The following SLC44A1 variants were observed in gnomAD, a reference collection of about 807,000 sequenced individuals.
The protein encoded by SLC44A1 is choline transporter-like protein 1.
Under a neutral mutation model 79.3 loss-of-function variants are expected in SLC44A1, and 26 were observed. That is an observed-to-expected ratio of 0.33 (90% CI 0.24 to 0.46). The LOEUF (loss-of-function observed/expected upper bound fraction) is 0.46. Among genes scored for constraint, SLC44A1 ranks in the 20% least tolerant of loss-of-function variants. The pLI, the probability that SLC44A1 is intolerant of heterozygous loss-of-function variation, is 1.00. For missense variants in SLC44A1, 688 were observed against 798.1 expected (o/e 0.86, Z 1.66); for synonymous variants, 263 against 286.2 (o/e 0.92, Z 0.82).
At chr9:105,352,371 G>A (rs1781440997) in intron 5 of SLC44A1, among the ~76,000 whole-genome samples, 1 of 152,104 alleles carries the variant, frequency 6.6e-6, no homozygotes, top group Admixed American at 6.5e-5. Context: ...ATTAGGCACT[G>A]TTTGTCATCA....
intron 3 of SLC44A1, among the ~76,000 whole-genome samples, chr9:105,325,454 G>C (rs149789571): frequency 6.6e-6 from 1 of 152,304 alleles, no homozygotes; most frequent in African/African-American, 2.4e-5. Flanking sequence ...TAATTATGGA[G>C]GTTGAGAAGT....
At chr9:105,267,140 G>T (rs1305773819) in intron 1 of SLC44A1, among the ~76,000 whole-genome samples, 1 of 152,196 alleles carries the variant, frequency 6.6e-6, no homozygotes, top group Non-Finnish European at 1.5e-5. Context: ...ATATGTAATA[G>T]TTGAGTGGAT....
chr9:105,382,968 A>G (rs569746876), intron 13 of SLC44A1, among the ~76,000 whole-genome samples, 155 bp from the exon 14 acceptor site: 3 of 152,346 alleles, frequency 2.0e-5, no homozygotes, highest in East Asian at 3.9e-4. Context: ...CTGGGTGTAT[A>G]TGAGAATATG....
At position 105,386,380 on chromosome 9, in the gene SLC44A1, A is replaced by G; in HGVS notation, c.1950+878A>G. On this transcript the variant is annotated intron_variant, in intron 15 of 15. Transcript: ENST00000374720. The stretch of plus-strand genomic sequence containing the variant: ...TATATAATTGTCTGCATCCTTAAAT[A>G]ATTTTAAACAATGTGTCCCCTGACT... 4.1e-6 allele frequency: 4 copies of G among 969,124 alleles called. No individual in the cohort carries two copies. The African/African-American group carries it at 5.3e-5, about 13-fold the overall frequency. 60.0% of individuals were successfully genotyped at this position (969,124 alleles called of 1,614,324 possible).
In SLC44A1 at chr9:105,390,369, TGTAAA is replaced by T. The variant is rs908431924; in HGVS notation, c.*1319_*1323del. ...TTTTAAAAAAAGCTATTTTTGTTAATGTAAAGTAAATATTTCAGAGCAAATTTTTT... is the reference window on the plus strand; with the variant it reads ...TTTTAAAAAAAGCTATTTTTGTTAATGTAAATATTTCAGAGCAAATTTTTT... On this transcript the variant is annotated 3_prime_UTR_variant, in exon 16 of 16. Coordinates refer to ENST00000374720, the MANE Select transcript of SLC44A1 (RefSeq NM_080546.5). 2.5e-5 allele frequency: 24 copies of T among 969,766 alleles called. No homozygotes were observed. Among genetic ancestry groups the T allele is most frequent in the East Asian group, 2.3e-4 (2 of 8,522 alleles). 60.1% of individuals were successfully genotyped at this position (969,766 alleles called of 1,614,324 possible).
chr9:105,284,621 C>A (rs1328882806), intron 1 of SLC44A1, among the ~76,000 whole-genome samples: 1 of 151,956 alleles, frequency 6.6e-6, no homozygotes, highest in African/African-American at 2.4e-5. Context: ...TTCATTATTA[C>A]CCAAGTCTTT....
chr9:105,288,343 T>G (rs372712082), intron 1 of SLC44A1, among the ~76,000 whole-genome samples: 1 of 152,166 alleles, frequency 6.6e-6, no homozygotes, highest in Non-Finnish European at 1.5e-5. Flanking sequence ...TTAATGTTTT[T>G]TTTGTTTGTT....
At chr9:105,371,587 C>T (rs1024560746) in intron 12 of SLC44A1, among the ~76,000 whole-genome samples, 3 of 151,750 alleles carry the variant, frequency 2.0e-5, no homozygotes, top group Non-Finnish European at 2.9e-5. Flanking sequence ...AAAAATTAGC[C>T]GGGTGCCTGT....
At chr9:105,337,134 G>T (rs1235962420) in intron 4 of SLC44A1, among the ~76,000 whole-genome samples, 1 of 152,096 alleles carries the variant, frequency 6.6e-6, no homozygotes, top group Non-Finnish European at 1.5e-5. Context: ...AGGTTTCTTA[G>T]GGAGGGGTGA....
At chr9:105,412,010 C>T (rs1829101341) in intron 15 of SLC44A1, among the ~76,000 whole-genome samples, 1 of 152,144 alleles carries the variant, frequency 6.6e-6, no homozygotes, top group Non-Finnish European at 1.5e-5. Flanking sequence ...ATTATCTATT[C>T]ACATTCTTCT....
intron 1 of SLC44A1, among the ~76,000 whole-genome samples, chr9:105,278,045 G>A (rs1432386282): frequency 1.3e-5 from 2 of 151,784 alleles, no homozygotes; most frequent in Non-Finnish European, 2.9e-5. Flanking sequence ...TCAATACAGG[G>A]AGGAATGTAT....
At chr9:105,380,352 T>C (rs1223062451) in intron 13 of SLC44A1, among the ~76,000 whole-genome samples, 1 of 151,882 alleles carries the variant, frequency 6.6e-6, no homozygotes, top group African/African-American at 2.4e-5. Flanking sequence ...ACGTCTATTT[T>C]TTTTTCTTTT....
rs564253101 is a variant in SLC44A1 at position 105,380,920 on chromosome 9, G to A, written c.1633-2203G>A. ...TTTCTACAGTTTGAGAACCATTAAT[G>A]TATCTGTTTGAATAAGTGCATAACA... On this transcript the variant is annotated intron_variant, in intron 13 of 15. Coordinates refer to ENST00000374720, the MANE Select transcript of SLC44A1 (RefSeq NM_080546.5). Among the ~76,000 whole-genome samples the A allele has an allele frequency of 2.6e-5, 4 of 152,224 alleles. No homozygotes were observed. In the East Asian group the frequency reaches 5.8e-4, roughly 22 times the overall value.
chr9:105,279,055 G>A (rs374663769), intron 1 of SLC44A1, among the ~76,000 whole-genome samples: 1 of 151,740 alleles, frequency 6.6e-6, no homozygotes, highest in Non-Finnish European at 1.5e-5. Context: ...CCTTCAACCC[G>A]GGAACCAAAC....
intron 1 of SLC44A1, among the ~76,000 whole-genome samples, chr9:105,289,083 C>CT (rs1830542365): frequency 1.3e-5 from 2 of 152,210 alleles, no homozygotes; most frequent in African/African-American, 4.8e-5. Flanking sequence ...GCAATAGATA[C>CT]TTTTTGGGTA....
chr9:105,405,824 A>G (rs1431644490), intron 15 of SLC44A1, among the ~76,000 whole-genome samples: 1 of 152,178 alleles, frequency 6.6e-6, no homozygotes, highest in African/African-American at 2.4e-5. Context: ...ACCTGTGGTG[A>G]AGAATAACAG....
At chr9:105,338,348 A>G (rs559243566) in intron 4 of SLC44A1, among the ~76,000 whole-genome samples, 2 of 152,306 alleles carry the variant, frequency 1.3e-5, no homozygotes, top group South Asian at 2.1e-4. Context: ...TATCACTGAG[A>G]AAATTATTTC....
chr9:105,358,251 C>T, intron 6 of SLC44A1, 93 bp from the exon 7 acceptor site: 1 of 719,176 alleles, frequency 1.4e-6, no homozygotes, highest in South Asian at 1.8e-5. Flanking sequence ...CAGATTATTT[C>T]CCTGGGGAAA....
At chr9:105,304,974 TTTTTTTTTTTTTC>T (rs1830986635) in intron 2 of SLC44A1, among the ~76,000 whole-genome samples, 1 of 115,506 alleles carries the variant, frequency 8.7e-6, no homozygotes, top group Non-Finnish European at 1.7e-5. Flanking sequence ...TTTTTTTTTT[TTTTTTTTTTTTTC>T]AGAGTCAAGG....
Sources: gnomAD v4.1 joint callset for allele counts (sites outside exome capture counted in the v4.1 genomes callset) on GRCh38, gnomAD v4.1.1 for gene constraint, MANE v1.5 for transcripts, NCBI Gene and HGNC (gene_info 2026-07-23, HGNC 2026-07-21) for gene names.